The following PHACTR1 variants were observed in gnomAD, a reference collection of about 807,000 sequenced individuals.
PHACTR1 encodes RPEL repeat containing 1.
A neutral mutation model predicts 69.2 loss-of-function variants in PHACTR1; 16 were observed. The observed-to-expected ratio is 0.23, with a 90% CI of 0.16 to 0.35. The LOEUF is 0.35. Among genes scored for constraint, PHACTR1 ranks in the 10% least tolerant of loss-of-function variants. The pLI is 1.00. For missense variants in PHACTR1, 510 were observed against 734.7 expected (o/e 0.69, Z 3.54); for synonymous variants, 312 against 284.5 (o/e 1.10, Z -0.97).
At chr6:13,286,592 C>T (rs1005091649) in intron 14 of PHACTR1, among the ~76,000 whole-genome samples, 7 of 152,220 alleles carry the variant, frequency 4.6e-5, no homozygotes, top group African/African-American at 9.6e-5. Context: ...CACATCCACA[C>T]GGGACTTCCA....
rs547354262 is a variant in PHACTR1, at chr6:12,869,278, A to T, written c.250+119488A>T. Reference sequence around the variant, plus strand: ...TCACCCACCTCCACTTCATAGTCCAACCCTATTTCCCACCCCTAGCACCAC... The same window carrying T: ...TCACCCACCTCCACTTCATAGTCCATCCCTATTTCCCACCCCTAGCACCAC... On this transcript the variant is annotated intron_variant, in intron 4 of 14. Transcript: ENST00000332995. Among the ~76,000 whole-genome samples, 28 of 151,962 alleles carry T rather than the reference A, an allele frequency of 1.8e-4. No homozygotes were observed. In the South Asian group the frequency reaches 4.2e-3, roughly 23 times the overall value.
At chr6:12,810,323 GTTGT>G (rs3036465) in intron 4 of PHACTR1, among the ~76,000 whole-genome samples, 3,848 of 151,984 alleles carry the variant, frequency 0.025, 57 homozygotes, top group Non-Finnish European at 0.029. Context: ...TGGTTGGTTT[GTTGT>G]TTGTTTGTTT....
intron 4 of PHACTR1, among the ~76,000 whole-genome samples, chr6:12,762,024 G>A (rs1260409510): frequency 2.6e-5 from 4 of 152,160 alleles, no homozygotes; most frequent in East Asian, 1.9e-4. Context: ...TGTAATCAGC[G>A]AAGAAGCAAC....
At chr6:13,192,769 G>A (rs1342457913) in intron 7 of PHACTR1, among the ~76,000 whole-genome samples, 1 of 152,182 alleles carries the variant, frequency 6.6e-6, no homozygotes, top group East Asian at 1.9e-4. Context: ...ATGAGGGCAG[G>A]GATTTAATCT....
chr6:13,052,053 C>T (rs1806033135), intron 4 of PHACTR1, among the ~76,000 whole-genome samples: 1 of 152,158 alleles, frequency 6.6e-6, no homozygotes, highest in Admixed American at 6.6e-5. Context: ...ACTCTGCTGA[C>T]CTGAATCTTG....
At chr6:12,969,765 C>T (rs904742507) in intron 4 of PHACTR1, among the ~76,000 whole-genome samples, 7 of 152,086 alleles carry the variant, frequency 4.6e-5, no homozygotes, top group African/African-American at 1.4e-4. Context: ...AATTGGAGAC[C>T]AGCCTGGCCA....
chr6:12,944,777 ATT>A (rs757721726), intron 4 of PHACTR1, among the ~76,000 whole-genome samples: 188 of 135,818 alleles, frequency 1.4e-3, no homozygotes, highest in East Asian at 2.8e-3. Flanking sequence ...TTATTTATTT[ATT>A]TTTATTTATT....
intron 4 of PHACTR1, among the ~76,000 whole-genome samples, chr6:12,794,909 A>G (rs1208071471): frequency 6.6e-6 from 1 of 152,156 alleles, no homozygotes; most frequent in Non-Finnish European, 1.5e-5. Flanking sequence ...ATGGATGACC[A>G]GATCTGTTTT....
At chr6:12,918,657 G>A (rs1787283500) in intron 4 of PHACTR1, among the ~76,000 whole-genome samples, 1 of 152,182 alleles carries the variant, frequency 6.6e-6, no homozygotes, top group Non-Finnish European at 1.5e-5. Flanking sequence ...ATATGTCATA[G>A]GTGATTAAGC....
At chr6:13,093,402 C>T (rs4273676) in intron 5 of PHACTR1, among the ~76,000 whole-genome samples, 114,823 of 152,106 alleles carry the variant, frequency 0.75, 43,734 homozygotes, top group East Asian at 0.93. Flanking sequence ...GCCAAATGTT[C>T]TATAAGAAAG....
At chr6:13,285,995 A>G in intron 13 of PHACTR1, 151 bp from the exon 14 acceptor site, 1 of 645,100 alleles carries the variant, frequency 1.6e-6, no homozygotes, top group Non-Finnish European at 2.7e-6. Context: ...AGGACATCTC[A>G]GGTGATTTTT....
At chr6:13,232,001 G>A (rs1411131933) in intron 10 of PHACTR1, among the ~76,000 whole-genome samples, 1 of 152,242 alleles carries the variant, frequency 6.6e-6, no homozygotes, top group Non-Finnish European at 1.5e-5. Context: ...GACATAATGT[G>A]TGGAAGTCTA....
intron 4 of PHACTR1, among the ~76,000 whole-genome samples, chr6:12,857,048 TA>T (rs1480853124): frequency 2.0e-5 from 3 of 152,186 alleles, no homozygotes; most frequent in Non-Finnish European, 4.4e-5. Context: ...AACAACCAAC[TA>T]AAAAAAGTAT....
At chr6:12,944,672 C>T (rs1790412957) in intron 4 of PHACTR1, among the ~76,000 whole-genome samples, 1 of 152,174 alleles carries the variant, frequency 6.6e-6, no homozygotes, top group Non-Finnish European at 1.5e-5. Context: ...ACCCACTTTG[C>T]AAGCTAGGTA....
chr6:13,169,221 A>G (rs754728941), intron 6 of PHACTR1, among the ~76,000 whole-genome samples: 2 of 152,128 alleles, frequency 1.3e-5, no homozygotes, highest in Non-Finnish European at 2.9e-5. Context: ...GACTGGGTAG[A>G]CCATTCCCTG....
At chr6:13,182,482 A>G (rs752638831) in intron 6 of PHACTR1, 37 bp from the exon 7 acceptor site, 3 of 1,602,504 alleles carry the variant, frequency 1.9e-6, no homozygotes, top group Non-Finnish European at 1.7e-6. Flanking sequence ...AAAGGCAGAC[A>G]TTGTCTAACT....
chr6:12,788,162 TAAA>T (rs5874379), intron 4 of PHACTR1, among the ~76,000 whole-genome samples: 1 of 138,720 alleles, frequency 7.2e-6, no homozygotes. Context: ...AATCTCAAAT[TAAA>T]AAAAAAAAAA....
chr6:12,903,279 GT>G (rs750460187), intron 4 of PHACTR1, among the ~76,000 whole-genome samples: 9 of 152,198 alleles, frequency 5.9e-5, no homozygotes, highest in Non-Finnish European at 1.0e-4. Flanking sequence ...CAAAGCAACT[GT>G]GTGGTAAAGG....
chr6:12,922,847 G>T (rs1787868875), intron 4 of PHACTR1, among the ~76,000 whole-genome samples: 1 of 152,096 alleles, frequency 6.6e-6, no homozygotes, highest in Non-Finnish European at 1.5e-5. Context: ...ATTAAGATTG[G>T]CATTGCCTTT....
Sources: gnomAD v4.1 joint callset for allele counts (sites outside exome capture counted in the v4.1 genomes callset) on GRCh38, gnomAD v4.1.1 for gene constraint, MANE v1.5 for transcripts, NCBI Gene and HGNC (gene_info 2026-07-23, HGNC 2026-07-21) for gene names.